ZFC3H1: variants seen among roughly 807,000 people sequenced by gnomAD.
The protein encoded by ZFC3H1 is zinc finger C3H1 domain-containing protein.
In ZFC3H1, 71 loss-of-function variants were observed where a neutral mutation model predicts 243.7. The observed-to-expected ratio is 0.29, with a 90% CI of 0.24 to 0.36. The LOEUF (loss-of-function observed/expected upper bound fraction) is 0.36, where lower values mean the gene tolerates loss of function less well. ZFC3H1 is among the 10% of genes least tolerant of loss of function. ZFC3H1 has a pLI of 1.00. For missense variants in ZFC3H1, 1,966 were observed against 2,317.1 expected, an observed-to-expected ratio of 0.85 and a Z score of 3.11; for synonymous variants, 838 against 813.0, an observed-to-expected ratio of 1.03 and a Z score of -0.52.
intron 10 of ZFC3H1, 34 bp from the exon 11 acceptor site, chr12:71,634,859 T>C (rs1049093266): frequency 2.4e-5 from 37 of 1,566,492 alleles, no homozygotes; most frequent in Non-Finnish European, 3.2e-5. Context: ...GTCAACTAGA[T>C]CATCAGCTTT....
At chr12:71,638,989 G>C (rs1326348608) in intron 6 of ZFC3H1, among the ~76,000 whole-genome samples, 1 of 152,138 alleles carries the variant, frequency 6.6e-6, no homozygotes, top group East Asian at 1.9e-4. Flanking sequence ...TATAAGCTGT[G>C]TTGAAAGTAA....
chr12:71,611,960 A>G (rs1198776823), intron 31 of ZFC3H1, 73 bp from the exon 32 acceptor site: 1 of 824,292 alleles, frequency 1.2e-6, no homozygotes, highest in South Asian at 1.7e-5. Context: ...CTATGAGCAC[A>G]ATGACGAAGT....
In ZFC3H1 at chr12:71,663,811, T is replaced by C; in HGVS notation, c.-201A>G. Reference sequence around the variant, plus strand: ...CCGGACCGTCGCAACCCAGTTCCCTTTCCTAGCGCCCCCTTGCTCCTCAGC... The same window carrying C: ...CCGGACCGTCGCAACCCAGTTCCCTCTCCTAGCGCCCCCTTGCTCCTCAGC... On this transcript the variant is annotated 5_prime_UTR_variant, in exon 1 of 35. Coordinates refer to ENST00000378743, the MANE Select transcript of ZFC3H1 (RefSeq NM_144982.5). 1 of 612,122 alleles carries C rather than the reference T, an allele frequency of 1.6e-6. No individual in the cohort carries two copies. The highest frequency in any genetic ancestry group is 2.8e-6 in the Non-Finnish European group (1 of 353,620). 37.9% of individuals were successfully genotyped at this position (612,122 alleles called of 1,614,324 possible).
rs202029409 is a variant in ZFC3H1 at position 71,663,250 on chromosome 12, A to C, written c.361T>G (p.Ser121Ala). ...RSHPPSVRMP[S>A]SSLSESSPRP... ...GGACTGCTTTCGGACAGTGAGCTCG[A>C]AGGCATCCGTACAGAAGGCGGATGA... Residue 121 changes from serine (S) to alanine (A), a missense_variant, in exon 1 of 35, where the codon TCG becomes GCG. Around this residue, in one of 4 missense-constraint regions of ZFC3H1, gnomAD observed 484 missense variants for 449.7 expected, o/e 1.08. Coordinates refer to ENST00000378743, the MANE Select transcript of ZFC3H1 (RefSeq NM_144982.5). The C allele has an allele frequency of 1.2e-6, 2 of 1,613,792 alleles. No homozygotes were observed. The highest frequency in any genetic ancestry group is 1.7e-6 in the Non-Finnish European group (2 of 1,180,032).
intron 16 of ZFC3H1, 73 bp from the exon 17 acceptor site, chr12:71,631,027 T>C: frequency 7.0e-7 from 1 of 1,420,726 alleles, no homozygotes; most frequent in Non-Finnish European, 9.3e-7. Context: ...AACTTTAGTT[T>C]TTCTTTCTCA....
At position 71,610,727 on chromosome 12, in the gene ZFC3H1, T is replaced by C. The variant is rs2137508931; in HGVS notation, c.5800A>G (p.Lys1934Glu). Residue 1934 changes from lysine to glutamate, a missense_variant, in exon 34 of 35, where the codon AAG (lysine) becomes GAG (glutamate). Around this residue, in one of 4 missense-constraint regions of ZFC3H1, gnomAD observed 1,383 missense variants for 1,723.7 expected, o/e 0.80. Coordinates refer to ENST00000378743, the MANE Select transcript of ZFC3H1 (RefSeq NM_144982.5). ...VHRLYQRALQ[K>E]LPLCASLWKD... ...CACAGTGATGCACAAAGAGGTAACTTCTGTAAGGCTCTCTGATATAAACGG... is the reference window on the plus strand; with the variant it reads ...CACAGTGATGCACAAAGAGGTAACTCCTGTAAGGCTCTCTGATATAAACGG... 1 of 1,613,312 alleles carries C rather than the reference T, an allele frequency of 6.2e-7. No individual in the cohort carries two copies. The highest frequency in any genetic ancestry group is 1.3e-5 in the African/African-American group (1 of 75,010).
chr12:71,657,363 A>C, intron 1 of ZFC3H1, 62 bp from the exon 2 acceptor site: 2 of 1,194,856 alleles, frequency 1.7e-6, no homozygotes, highest in Non-Finnish European at 2.3e-6. Flanking sequence ...TTAACAAAAA[A>C]ACTTAGATTA....
chr12:71,618,587 C>T (rs1299431570), intron 27 of ZFC3H1, among the ~76,000 whole-genome samples: 1 of 152,138 alleles, frequency 6.6e-6, no homozygotes, highest in Non-Finnish European at 1.5e-5. Context: ...GCTGGTTTCT[C>T]AATAAAGCAA....
Position 71,620,122 on chromosome 12 carries a change from T to C in ZFC3H1, c.4853A>G (p.Tyr1618Cys). 1.2e-6 allele frequency: 2 copies of C among 1,608,324 alleles called. No individual in the cohort carries two copies. Among genetic ancestry groups the C allele is most frequent in the South Asian group, 1.1e-5 (1 of 90,050 alleles). ...MIALHQLLER[Y>C]EAAMELCKSL... ...TTTACAAAGCTCCATTGCAGCCTCA[T>C]ACCTTAACAAAAAAGAAAAAAAAAG... The change falls in exon 26 of 35, where the codon TAT becomes TGT. Residue 1618 changes from tyrosine (Y) to cysteine (C), a missense_variant and splice_region_variant. By Grantham distance (194) the Tyr-to-Cys change is radical. Transcript: ENST00000378743.
intron 2 of ZFC3H1, among the ~76,000 whole-genome samples, chr12:71,649,106 A>AAAAAG (rs1555181236): frequency 5.3e-5 from 8 of 151,428 alleles, no homozygotes; most frequent in Admixed American, 1.3e-4. Flanking sequence ...AAAAAAAAAA[A>AAAAAG]AAAAGAAAAG....
chr12:71,638,437 G>C lies in ZFC3H1; in HGVS notation c.1706C>G (p.Pro569Arg). 1 of 1,612,602 alleles carries C rather than the reference G, an allele frequency of 6.2e-7. No homozygotes were observed. Among genetic ancestry groups the C allele is most frequent in the South Asian group, 1.1e-5 (1 of 90,722 alleles). The change falls in exon 7 of 35, where the codon CCT becomes CGT. Residue 569 changes from proline (P) to arginine (R), a missense_variant. Pro to Arg is a moderately radical substitution (Grantham distance 103). Transcript: ENST00000378743. ...YFSPAPSLSL[P>R]PPPQVSSLPP... Reference sequence around the variant, plus strand: ...ACTTACAGAAACCTGAGGTGGTGGAGGCAAAGAAAGAGATGGTGCTGGAGA... The same window carrying C: ...ACTTACAGAAACCTGAGGTGGTGGACGCAAAGAAAGAGATGGTGCTGGAGA...
At position 71,658,289 on chromosome 12, in the gene ZFC3H1, T is replaced by TA. The variant is rs1017774503; in HGVS notation, c.599-989_599-988insT. ...TTAATACATCATTTATAGATTTTTTTTTTTTTTTTTTTTTTTTGAGACAGA... is the reference window on the plus strand; with the variant it reads ...TTAATACATCATTTATAGATTTTTTTATTTTTTTTTTTTTTTTTGAGACAGA... On this transcript the variant is annotated intron_variant, in intron 1 of 34. Coordinates refer to ENST00000378743, the MANE Select transcript of ZFC3H1 (RefSeq NM_144982.5). Among the ~76,000 whole-genome samples the TA allele has an allele frequency of 7.7e-5, 11 of 142,834 alleles. No homozygotes were observed. The East Asian group carries it at 2.3e-3, about 29-fold the overall frequency. 93.7% of individuals were successfully genotyped at this position (142,834 alleles called of 152,430 possible).
intron 2 of ZFC3H1, chr12:71,656,529 AG>A: frequency 1.5e-6 from 1 of 662,932 alleles, no homozygotes. Flanking sequence ...AACCAGGAAT[AG>A]GAGTAAAACC....
At chr12:71,613,495 A>G in intron 30 of ZFC3H1, 60 bp from the exon 31 acceptor site, 1 of 1,270,758 alleles carries the variant, frequency 7.9e-7, no homozygotes, top group Non-Finnish European at 1.1e-6. Flanking sequence ...CCAATTACCT[A>G]TGTGTTTTAA....
chr12:71,629,995 G>A (rs1034377398), intron 18 of ZFC3H1, among the ~76,000 whole-genome samples: 16 of 151,650 alleles, frequency 1.1e-4, no homozygotes, highest in Non-Finnish European at 2.1e-4. Context: ...AATAGATTCA[G>A]TGACATTACA....
rs548008586 is a variant in ZFC3H1 at position 71,660,640 on chromosome 12, A to G, written c.598+2373T>C. On this transcript the variant is annotated intron_variant, in intron 1 of 34. Transcript: ENST00000378743. Reference sequence around the variant, plus strand: ...AATAAACACGCAGAAAGAGGACAAAAGCAGAAAGCCCACTCACCTCCCCCT... The same window carrying G: ...AATAAACACGCAGAAAGAGGACAAAGGCAGAAAGCCCACTCACCTCCCCCT... Among the ~76,000 whole-genome samples, 6 of 152,312 alleles carry G rather than the reference A, an allele frequency of 3.9e-5. No homozygotes were observed. The East Asian group carries it at 1.2e-3, about 29-fold the overall frequency.
rs528946169 is a variant in ZFC3H1, at chr12:71,632,766, TTTAATC to T, written c.2817+114_2817+119del. ...TGTGGATGTCATTTAAAAACAAAGCTTTAATCTTAATCTCTTGGAATTTACAGCAAA... is the reference window on the plus strand; with the variant it reads ...TGTGGATGTCATTTAAAAACAAAGCTTTAATCTCTTGGAATTTACAGCAAA... On this transcript the variant is annotated intron_variant, in intron 14 of 34. Transcript: ENST00000378743. 1.3e-4 allele frequency: 192 copies of T among 1,435,430 alleles called. No individual in the cohort carries two copies. In the East Asian group the frequency reaches 4.3e-3, roughly 32 times the overall value. 88.9% of individuals were successfully genotyped at this position (1,435,430 alleles called of 1,614,324 possible). A position where few individuals can be genotyped will look rare whatever the true frequency, so the allele number is the denominator to read the frequency against.
In ZFC3H1 at chr12:71,627,948, A is replaced by T; in HGVS notation, c.3947-14T>A. The T allele has an allele frequency of 6.2e-7, 1 of 1,607,376 alleles. No homozygotes were observed. ...CTGGCTGGAAAGCTATTTAAAAAAA[A>T]AGTATTATTAGCTTCACATTTTCTT... On this transcript the variant is annotated splice_polypyrimidine_tract_variant and intron_variant, in intron 20 of 34. Transcript: ENST00000378743.
At position 71,620,974 on chromosome 12, in the gene ZFC3H1, CAT is replaced by C. The variant is rs1252002873; in HGVS notation, c.4745-661_4745-660del. ...TCATAAGGACTCATATCTAACCAAA[CAT>C]AAAAGCTCACCTCTACCTTCATTTT... On this transcript the variant is annotated intron_variant, in intron 24 of 34. Coordinates refer to ENST00000378743, the MANE Select transcript of ZFC3H1 (RefSeq NM_144982.5). 2.6e-5 allele frequency among the ~76,000 whole-genome samples: 4 copies of C among 152,330 alleles called. No individual in the cohort carries two copies. In the East Asian group the frequency reaches 7.7e-4, roughly 29 times the overall value.
Sources: allele counts gnomAD v4.1 joint callset (sites outside exome capture counted in the v4.1 genomes callset), GRCh38; gene constraint gnomAD v4.1.1; regional missense constraint gnomAD v4.1.1; transcripts MANE v1.5; gene names NCBI Gene and HGNC (gene_info 2026-07-23, HGNC 2026-07-21).